Variants in GTF2IRD1 observed in about 807,000 individuals in gnomAD.
GTF2IRD1 encodes the protein general transcription factor II-I repeat domain-containing protein 1.
In GTF2IRD1, 26 loss-of-function variants were observed where a neutral mutation model predicts 113.2. The observed-to-expected ratio is 0.23, with a 90% CI of 0.17 to 0.32. GTF2IRD1 has a LOEUF of 0.32. GTF2IRD1 is among the 10% of genes least tolerant of loss of function. The pLI is 1.00. For missense variants in GTF2IRD1, 864 were observed against 1,280.8 expected (o/e 0.67, Z 4.97); for synonymous variants, 484 against 529.1 (o/e 0.91, Z 1.17).
At chr7:74,491,624 C>T (rs1165714733) in intron 1 of GTF2IRD1, among the ~76,000 whole-genome samples, 1 of 152,094 alleles carries the variant, frequency 6.6e-6, no homozygotes, top group Non-Finnish European at 1.5e-5. Context: ...TAATGGCCTC[C>T]AGCTCCATCC....
At chr7:74,544,656 C>T (rs1322408939) in intron 14 of GTF2IRD1, 99 bp from the exon 15 acceptor site, 4 of 1,233,634 alleles carry the variant, frequency 3.2e-6, no homozygotes, top group Non-Finnish European at 3.5e-6. Flanking sequence ...AGTTGGGGCC[C>T]CCTGGCCTGC....
intron 13 of GTF2IRD1, among the ~76,000 whole-genome samples, chr7:74,539,447 C>CA (rs1165663901): frequency 1.0e-4 from 15 of 150,384 alleles, no homozygotes; most frequent in African/African-American, 2.2e-4. Flanking sequence ...GACCCTATCT[C>CA]AAAAAAAAAG....
At chr7:74,534,393 G>T (rs1798154564) in intron 9 of GTF2IRD1, among the ~76,000 whole-genome samples, 1 of 152,218 alleles carries the variant, frequency 6.6e-6, no homozygotes, top group African/African-American at 2.4e-5. Context: ...CCTCAAGTCA[G>T]GAGTTCGAGA....
intron 9 of GTF2IRD1, among the ~76,000 whole-genome samples, chr7:74,531,872 GC>G (rs1797982402): frequency 6.6e-6 from 1 of 152,008 alleles, no homozygotes; most frequent in African/African-American, 2.4e-5. Context: ...CCCCACCTCT[GC>G]CCCAACCCCA....
chr7:74,524,258 G>C, intron 8 of GTF2IRD1, 104 bp downstream of exon 8: 1 of 674,318 alleles, frequency 1.5e-6, no homozygotes. Flanking sequence ...GGAGCCATAT[G>C]CTGGCTCCCG....
intron 24 of GTF2IRD1, among the ~76,000 whole-genome samples, 185 bp from the exon 25 acceptor site, chr7:74,594,829 G>A (rs587682505): frequency 5.3e-5 from 8 of 152,090 alleles, no homozygotes; most frequent in Non-Finnish European, 1.0e-4. Flanking sequence ...GCGGGCGCCT[G>A]TAGTCCCAGC....
chr7:74,502,044 T>C (rs1280921213), intron 1 of GTF2IRD1, among the ~76,000 whole-genome samples: 1 of 152,144 alleles, frequency 6.6e-6, no homozygotes, highest in Non-Finnish European at 1.5e-5. Flanking sequence ...AACTCCTGGC[T>C]CAAGTGATCC....
chr7:74,514,545 C>A (rs776333895), intron 3 of GTF2IRD1, among the ~76,000 whole-genome samples: 1 of 152,150 alleles, frequency 6.6e-6, no homozygotes, highest in Non-Finnish European at 1.5e-5. Context: ...GAGGGGGCCG[C>A]AGGCCCCTCC....
intron 17 of GTF2IRD1, among the ~76,000 whole-genome samples, chr7:74,549,275 C>T (rs1294496417): frequency 3.3e-5 from 5 of 150,162 alleles, no homozygotes; most frequent in African/African-American, 1.2e-4. Context: ...GACACTCCAG[C>T]CTGGGCAACA....
intron 22 of GTF2IRD1, among the ~76,000 whole-genome samples, chr7:74,584,958 C>T (rs1470300272): frequency 7.9e-5 from 12 of 152,042 alleles, no homozygotes; most frequent in Non-Finnish European, 1.6e-4. Flanking sequence ...CCTGCCACCA[C>T]GCCTGGCTAA....
chr7:74,570,157 T>C (rs1583915839), intron 22 of GTF2IRD1, among the ~76,000 whole-genome samples: 1 of 150,916 alleles, frequency 6.6e-6, no homozygotes, highest in Non-Finnish European at 1.5e-5. Flanking sequence ...AGGTCGGGAG[T>C]TCGAAACCAG....
At chr7:74,459,388 G>A (rs1793211571) in intron 1 of GTF2IRD1, among the ~76,000 whole-genome samples, 1 of 152,066 alleles carries the variant, frequency 6.6e-6, no homozygotes, top group Non-Finnish European at 1.5e-5. Context: ...AACCTAAGAG[G>A]TGAAGGTTGC....
At chr7:74,579,264 C>T (rs1312480526) in intron 22 of GTF2IRD1, among the ~76,000 whole-genome samples, 1 of 152,024 alleles carries the variant, frequency 6.6e-6, no homozygotes, top group Non-Finnish European at 1.5e-5. Context: ...GCTAGGATCG[C>T]ACTACTGCAT....
chr7:74,574,150 ATTTTT>A (rs71094796), intron 22 of GTF2IRD1, among the ~76,000 whole-genome samples: 1 of 104,826 alleles, frequency 9.5e-6, no homozygotes, highest in African/African-American at 3.7e-5. Context: ...CACCAAGCTA[ATTTTT>A]TTTTTTTTTT....
intron 1 of GTF2IRD1, chr7:74,507,562 C>G (rs1215221844): frequency 6.5e-6 from 1 of 152,858 alleles, no homozygotes; most frequent in Non-Finnish European, 1.5e-5. Context: ...GCAGCGGGAA[C>G]TGAACCTGCA....
At chr7:74,574,553 A>G (rs1554363819) in intron 22 of GTF2IRD1, among the ~76,000 whole-genome samples, 3 of 149,784 alleles carry the variant, frequency 2.0e-5, no homozygotes, top group African/African-American at 4.9e-5. Flanking sequence ...CGACCTCCCT[A>G]AGCTCAAGTG....
At chr7:74,497,197 A>G (rs782526508) in intron 1 of GTF2IRD1, among the ~76,000 whole-genome samples, 1 of 152,174 alleles carries the variant, frequency 6.6e-6, no homozygotes, top group Admixed American at 6.5e-5. Flanking sequence ...CAGAACTACT[A>G]TACAATTCAA....
intron 1 of GTF2IRD1, among the ~76,000 whole-genome samples, chr7:74,468,702 GTGTGTGTGTGT>G: frequency 6.7e-6 from 1 of 150,374 alleles, no homozygotes; most frequent in African/African-American, 2.4e-5. Context: ...GTGTGTGTGT[GTGTGTGTGTGT>G]GTGTGTGTGT....
intron 1 of GTF2IRD1, among the ~76,000 whole-genome samples, chr7:74,469,421 A>C (rs782119441): frequency 2.1e-4 from 32 of 152,054 alleles, no homozygotes; most frequent in Non-Finnish European, 4.1e-4. Context: ...CCCATTAAGC[A>C]GTCAGCCCTC....
Sources: gnomAD v4.1 joint callset for allele counts (sites outside exome capture counted in the v4.1 genomes callset) on GRCh38, gnomAD v4.1.1 for gene constraint, MANE v1.5 for transcripts, NCBI Gene and HGNC (gene_info 2026-07-23, HGNC 2026-07-21) for gene names.